Variants in TTN observed in about 807,000 individuals in gnomAD.
TTN encodes connectin.
TTN carries 1,525 observed loss-of-function variants against 3,223.0 expected under a neutral mutation model. The observed-to-expected ratio is 0.47, with a 90% CI of 0.45 to 0.49. The LOEUF (loss-of-function observed/expected upper bound fraction) is 0.49, where lower values mean the gene tolerates loss of function less well. TTN is among the 20% of genes least tolerant of loss of function. TTN has a pLI of 0.00. For synonymous variants in TTN, 14,094 were observed against 15,161.0 expected, an observed-to-expected ratio of 0.93 and a Z score of 5.17; for missense variants, 40,786 against 43,424.0, an observed-to-expected ratio of 0.94 and a Z score of 5.40.
chr2:178,547,775 C>T lies in TTN; in HGVS notation c.93851G>A (p.Gly31284Glu). The stretch of plus-strand genomic sequence containing the variant: ...ATTTTCCAGGGTCAAGAAGTATCTT[C>T]CAGAGTCACCTCTCATGCTGTCCTT... ...TVKDSMRGDS[G>E]RYFLTLENTA... The change falls in exon 339 of 363, where the codon GGA becomes GAA. Residue 31284 changes from glycine to glutamate, a missense_variant. Transcript: ENST00000589042. 1 of 1,613,940 alleles carries T rather than the reference C, an allele frequency of 6.2e-7. No individual in the cohort carries two copies. Among genetic ancestry groups the T allele is most frequent in the Non-Finnish European group, 8.5e-7 (1 of 1,179,850 alleles).
At chr2:178,613,444 C>T (rs1039210719) in intron 263 of TTN, 168 bp from the exon 264 acceptor site, 6 of 661,416 alleles carry the variant, frequency 9.1e-6, no homozygotes, top group African/African-American at 1.8e-5. Flanking sequence ...AACTGCCACA[C>T]ACTTTAGACT....
intron 158 of TTN, 68 bp downstream of exon 158, chr2:178,669,524 C>T (rs1451856615): frequency 1.9e-6 from 3 of 1,594,050 alleles, no homozygotes; most frequent in East Asian, 2.2e-5. Context: ...ATGTCACACA[C>T]ATTCACTTTA....
chr2:178,674,993 A>T (rs1052891073), intron 150 of TTN, 46 bp downstream of exon 150: 21 of 1,196,866 alleles, frequency 1.8e-5, no homozygotes, highest in Non-Finnish European at 2.4e-5. Flanking sequence ...GACAATAATA[A>T]GACAAGGATG....
rs780563642 is a variant in TTN at position 178,636,008 on chromosome 2, C to T, written c.41563G>A (p.Glu13855Lys). 15 of 1,611,022 alleles carry T rather than the reference C, an allele frequency of 9.3e-6. No individual in the cohort carries two copies. Among genetic ancestry groups the T allele is most frequent in the Admixed American group, 1.7e-5 (1 of 59,864 alleles). ...TDAGTYTVTV[E>K]NANNLECSSC... ...GAACACTCCAGGTTGTTGGCGTTTT[C>T]CACAGTAACTGTGTATGTTCCAGCA... Residue 13855 changes from glutamate to lysine, a missense_variant, in exon 226 of 363, where the codon GAA (glutamate) becomes AAA (lysine). Coordinates refer to ENST00000589042, the MANE Select transcript of TTN (RefSeq NM_001267550.2). This position sits in a 1 kb window ranked among gnomAD's most constrained non-coding sequence, Gnocchi z 4.3.
chr2:178,575,512 G>A lies in TTN; in HGVS notation c.70620C>T (p.Asn23540=), dbSNP rs1709754167. 3 of 1,613,660 alleles carry A rather than the reference G, an allele frequency of 1.9e-6. No individual in the cohort carries two copies. Among genetic ancestry groups the A allele is most frequent in the East Asian group, 2.2e-5 (1 of 44,846 alleles). Residue 23540 remains asparagine, a synonymous_variant, in exon 326 of 363, where the codon AAC becomes AAT. Transcript: ENST00000589042. The surrounding 1 kb of genome is among the most constrained non-coding windows in gnomAD (Gnocchi z 4.0). Reference sequence around the variant, plus strand: ...CGGTGCTCTTAGTTATGTCCATGATGTTAAGGCTGTCTGGTGGAGATGGTG... The same window carrying A: ...CGGTGCTCTTAGTTATGTCCATGATATTAAGGCTGTCTGGTGGAGATGGTG... The part of the protein sequence containing the change: ...SEAPSPPDSL[N]IMDITKSTVS...
chr2:178,536,968 A>G lies in TTN; in HGVS notation c.100141T>C (p.Ser33381Pro). The G allele has an allele frequency of 6.2e-7, 1 of 1,613,182 alleles. No individual in the cohort carries two copies. Among genetic ancestry groups the G allele is most frequent in the Non-Finnish European group, 8.5e-7 (1 of 1,179,472 alleles). The change falls in exon 356 of 363, where the codon TCC becomes CCC. Residue 33381 changes from serine to proline, a missense_variant. Ser to Pro is a moderately conservative substitution (Grantham distance 74, BLOSUM62 -1). Transcript: ENST00000589042. The stretch of plus-strand genomic sequence containing the variant: ...GGACTCTTAATGATCACAACTGAGG[A>G]CACTTCTAGAGGGTCACTGATGCCG... The part of the protein sequence containing the change: ...TFGISDPLEV[S>P]SVVIIKSPFE...
rs727504968 is a variant in TTN at position 178,590,576 on chromosome 2, C to T, written c.61149G>A (p.Lys20383=). The T allele has an allele frequency of 6.2e-7, 1 of 1,612,548 alleles. No homozygotes were observed. Among genetic ancestry groups the T allele is most frequent in the Non-Finnish European group, 8.5e-7 (1 of 1,179,202 alleles). ...ACACCAAATCAGCTGTTTCTCTGCT[C>T]TTGTCTTTCAGTTTAGGATTAATAG... The part of the protein sequence containing the change: ...GPPINPKLKD[K]SRETADLVWT... The change falls in exon 304 of 363, where the codon AAG becomes AAA. Residue 20383 remains lysine, a synonymous_variant. Coordinates refer to ENST00000589042, the MANE Select transcript of TTN (RefSeq NM_001267550.2).
intron 47 of TTN, chr2:178,751,138 A>T: frequency 6.2e-7 from 1 of 1,612,816 alleles, no homozygotes; most frequent in Non-Finnish European, 8.5e-7. Flanking sequence ...CAGCTAGATC[A>T]GACATAGATC....
At chr2:178,666,338 C>A (rs1159686919) in intron 163 of TTN, among the ~76,000 whole-genome samples, 10 of 136,846 alleles carry the variant, frequency 7.3e-5, no homozygotes, top group African/African-American at 2.2e-4. Flanking sequence ...TAAAGATATT[C>A]AAAATGAAAA....
chr2:178,552,093 T>C lies in TTN; in HGVS notation c.90807A>G (p.Gln30269=). Residue 30269 remains glutamine (Q), a synonymous_variant, in exon 335 of 363, where the codon CAA becomes CAG. Coordinates refer to ENST00000589042, the MANE Select transcript of TTN (RefSeq NM_001267550.2). ...TTGAACACACCATCTTCCAGTTAGT[T>C]TGTGAAGTTTCCCGCTTCTCGATGC... is the stretch of plus-strand genomic sequence containing the variant. ...CYSIEKRETS[Q]TNWKMVCSSV... The C allele has an allele frequency of 1.2e-6, 2 of 1,613,788 alleles. No homozygotes were observed. Among genetic ancestry groups the C allele is most frequent in the South Asian group, 2.2e-5 (2 of 91,060 alleles).
At position 178,688,904 on chromosome 2, in the gene TTN, T is replaced by G. The variant is rs908745368; in HGVS notation, c.32096-126A>C. ...GCAAAATGGGAAAACAAGTTACATA[T>G]CACAAGGACATAAACACAAAAGTTT... is the stretch of plus-strand genomic sequence containing the variant. On this transcript the variant is annotated intron_variant, in intron 125 of 362. Coordinates refer to ENST00000589042, the MANE Select transcript of TTN (RefSeq NM_001267550.2). The G allele has an allele frequency of 7.2e-6, 8 of 1,116,516 alleles. No individual in the cohort carries two copies. In the African/African-American group the frequency reaches 1.3e-4, roughly 18 times the overall value. The allele number at this position is 1,116,516 out of a possible 1,614,324, so 69.2% of individuals were successfully genotyped here. A position where few individuals can be genotyped will look rare whatever the true frequency, so the allele number is the denominator to read the frequency against.
intron 143 of TTN, 49 bp from the exon 144 acceptor site, chr2:178,678,546 G>T: frequency 1.4e-6 from 2 of 1,410,136 alleles, no homozygotes; most frequent in Non-Finnish European, 1.9e-6. Context: ...TAAAAATACT[G>T]ATTCCAAGCA....
intron 354 of TTN, 185 bp downstream of exon 354, chr2:178,538,355 C>T: frequency 3.5e-6 from 2 of 566,352 alleles, no homozygotes; most frequent in Non-Finnish European, 6.0e-6. Flanking sequence ...CTAACATCTG[C>T]TGAGGTTGTG....
At chr2:178,680,108 A>G in intron 139 of TTN, 53 bp from the exon 140 acceptor site, 1 of 1,600,314 alleles carries the variant, frequency 6.2e-7, no homozygotes, top group Non-Finnish European at 8.5e-7. Context: ...CAACAAAATT[A>G]AGACACCTTA....
At chr2:178,642,064 A>T (rs867151541) in intron 219 of TTN, among the ~76,000 whole-genome samples, 173 bp downstream of exon 219, 5 of 151,082 alleles carry the variant, frequency 3.3e-5, no homozygotes, top group Non-Finnish European at 5.9e-5. Context: ...TTTTTTTTTA[A>T]AAAAAAAGAT....
chr2:178,701,364 CT>C (rs201857417), intron 110 of TTN, among the ~76,000 whole-genome samples, 161 bp from the exon 111 acceptor site: 214 of 147,482 alleles, frequency 1.5e-3, no homozygotes, highest in Non-Finnish European at 2.2e-3. Context: ...ACTGGAACTA[CT>C]TTTTTTTTTT....
chr2:178,562,905 G>T lies in TTN; in HGVS notation c.83227C>A (p.Arg27743=). The change falls in exon 326 of 363, where the codon CGG becomes AGG. Residue 27743 remains arginine, a synonymous_variant. Coordinates refer to ENST00000589042, the MANE Select transcript of TTN (RefSeq NM_001267550.2). ...IDNVTRFDSG[R]YNLTLENNSG... is the part of the protein sequence containing the mutation. ...TTATTTTCTAATGTCAGATTATACC[G>T]ACCACTGTCAAATCTGGTAACATTA... 1.2e-6 allele frequency: 2 copies of T among 1,613,386 alleles called. No individual in the cohort carries two copies. Among genetic ancestry groups the T allele is most frequent in the Non-Finnish European group, 1.7e-6 (2 of 1,179,676 alleles).
At chr2:178,732,410 G>A (rs1288189026) in intron 56 of TTN, 30 bp downstream of exon 56, 1 of 1,585,812 alleles carries the variant, frequency 6.3e-7, no homozygotes, top group Admixed American at 1.8e-5. Flanking sequence ...AACAAGGTTA[G>A]CACAAAGATG....
chr2:178,635,222 T>C lies in TTN; in HGVS notation c.41967A>G (p.Ser13989=). The stretch of plus-strand genomic sequence containing the variant: ...TCCATTGTCCAGGAATGTCTGCCTC[T>C]GAGATTTCTGCATCAAAGCTTGCAC... ...KESASFDAEI[S]EADIPGQWKL... is the part of the protein sequence containing the mutation. Residue 13989 remains serine (S), a synonymous_variant, in exon 228 of 363, where the codon TCA becomes TCG. Transcript: ENST00000589042. 1 of 1,613,312 alleles carries C rather than the reference T, an allele frequency of 6.2e-7. No individual in the cohort carries two copies.
Sources: gnomAD v4.1 joint callset for allele counts (sites outside exome capture counted in the v4.1 genomes callset) on GRCh38, gnomAD v4.1.1 for gene constraint, Gnocchi (gnomAD v3.1) non-coding constraint, MANE v1.5 for transcripts, NCBI Gene and HGNC (gene_info 2026-07-23, HGNC 2026-07-21) for gene names.